Variants in DCUN1D5 observed in about 807,000 individuals in gnomAD.
DCUN1D5 encodes the protein defective in cullin neddylation 1 domain containing 5.
A neutral mutation model predicts 38.3 loss-of-function variants in DCUN1D5; 10 were observed. That is an observed-to-expected ratio of 0.26 (90% CI 0.16 to 0.44). The LOEUF is 0.44. Ranked by LOEUF, DCUN1D5 falls within the 20% of genes least tolerant of loss-of-function variation. The pLI is 1.00. For missense variants in DCUN1D5, 148 were observed against 275.3 expected (o/e 0.54, Z 3.27); for synonymous variants, 93 against 90.9 (o/e 1.02, Z -0.13).
intron 4 of DCUN1D5, among the ~76,000 whole-genome samples, chr11:103,070,770 C>T (rs1591210969): frequency 1.3e-5 from 2 of 152,136 alleles, no homozygotes; most frequent in Admixed American, 6.5e-5. Flanking sequence ...ACAGAATACA[C>T]ATTCTTTTCA....
In DCUN1D5 at chr11:103,052,241, G is replaced by A. The variant is rs2134583722; in HGVS notation, c.*10118C>T. 1 of 152,258 alleles carries A rather than the reference G, an allele frequency of 6.6e-6. No homozygotes were observed. The highest frequency in any genetic ancestry group is 1.9e-4 in the East Asian group (1 of 5,188). 9.4% of individuals were successfully genotyped at this position (152,258 alleles called of 1,614,324 possible). A position where few individuals can be genotyped will look rare whatever the true frequency, so the allele number is the denominator to read the frequency against. On this transcript the variant is annotated 3_prime_UTR_variant, in exon 8 of 8. Coordinates refer to ENST00000260247, the MANE Select transcript of DCUN1D5 (RefSeq NM_032299.4). ...GCCCTCAAGAATCTCAGTCTAATGG[G>A]AATGTGGATATGTAAACGTTTTACA...
Position 103,091,459 on chromosome 11 carries a change from A to C in DCUN1D5, c.86+328T>G. On this transcript the variant is annotated intron_variant, in intron 1 of 7. Coordinates refer to ENST00000260247, the MANE Select transcript of DCUN1D5 (RefSeq NM_032299.4). The surrounding 1 kb of genome is among the most constrained non-coding windows in gnomAD (Gnocchi z 4.3). Reference sequence around the variant, plus strand: ...AAAGGCAGAGGAGCGATACGGGAGTAGGGGATCGAGGGTCGGTTGTGGGGT... The same window carrying C: ...AAAGGCAGAGGAGCGATACGGGAGTCGGGGATCGAGGGTCGGTTGTGGGGT... 9.3e-6 allele frequency: 2 copies of C among 214,016 alleles called. No individual in the cohort carries two copies. The highest frequency in any genetic ancestry group is 1.7e-5 in the Non-Finnish European group (2 of 121,148). The allele number at this position is 214,016 out of a possible 1,614,324, so 13.3% of individuals were successfully genotyped here. A position where few individuals can be genotyped will look rare whatever the true frequency, so the allele number is the denominator to read the frequency against.
Position 103,091,490 on chromosome 11 carries a change from TG to T in DCUN1D5, c.86+296del. Reference sequence around the variant, plus strand: ...TCGAGGGTCGGTTGTGGGGTGGGGGTGGGGGTGGGGGGAAGCGCAATTTACA... The same window carrying T: ...TCGAGGGTCGGTTGTGGGGTGGGGGTGGGGTGGGGGGAAGCGCAATTTACA... On this transcript the variant is annotated intron_variant, in intron 1 of 7. Coordinates refer to ENST00000260247, the MANE Select transcript of DCUN1D5 (RefSeq NM_032299.4). This position sits in a 1 kb window ranked among gnomAD's most constrained non-coding sequence, Gnocchi z 4.3. 4.6e-6 allele frequency: 1 copy of T among 219,066 alleles called. No individual in the cohort carries two copies. The highest frequency in any genetic ancestry group is 7.9e-6 in the Non-Finnish European group (1 of 126,648). 13.6% of individuals were successfully genotyped at this position (219,066 alleles called of 1,614,324 possible).
At position 103,091,945 on chromosome 11, in the gene DCUN1D5, G is replaced by T; in HGVS notation, c.-73C>A. ...CCCTGTCCGCTGGAAGCCCCTCAGC[G>T]CTGGCACCCAGTTCCCAGAGACAGC... On this transcript the variant is annotated 5_prime_UTR_variant, in exon 1 of 8. Coordinates refer to ENST00000260247, the MANE Select transcript of DCUN1D5 (RefSeq NM_032299.4). This position sits in a 1 kb window ranked among gnomAD's most constrained non-coding sequence, Gnocchi z 4.3. 7.1e-7 allele frequency: 1 copy of T among 1,409,554 alleles called. No individual in the cohort carries two copies. The allele number at this position is 1,409,554 out of a possible 1,614,324, so 87.3% of individuals were successfully genotyped here. A position where few individuals can be genotyped will look rare whatever the true frequency, so the allele number is the denominator to read the frequency against.
At chr11:103,085,482 G>A (rs1862681428) in intron 2 of DCUN1D5, among the ~76,000 whole-genome samples, 1 of 152,020 alleles carries the variant, frequency 6.6e-6, no homozygotes, top group South Asian at 2.1e-4. Context: ...AGCCCCCCTA[G>A]AAACTGGAGG....
Position 103,057,272 on chromosome 11 carries a change from C to A in DCUN1D5, c.*5087G>T, listed in dbSNP as rs1350137933. On this transcript the variant is annotated 3_prime_UTR_variant, in exon 8 of 8. Transcript: ENST00000260247. The surrounding 1 kb of genome is among the most constrained non-coding windows in gnomAD (Gnocchi z 4.8). ...CTAAGTTTGATAAGTTAGTTTAAGT[C>A]TCAAATGACAAGTTGCTCAAATAAA... Among the ~76,000 whole-genome samples the A allele has an allele frequency of 6.6e-6, 1 of 152,188 alleles. No homozygotes were observed. The highest frequency in any genetic ancestry group is 2.4e-5 in the African/African-American group (1 of 41,446).
chr11:103,088,987 TTTA>T (rs568949985), intron 2 of DCUN1D5, among the ~76,000 whole-genome samples: 315 of 152,282 alleles, frequency 2.1e-3, no homozygotes, highest in Non-Finnish European at 3.1e-3. Context: ...GTTTACACGT[TTTA>T]TTAATAGTAA....
chr11:103,058,017 T>A lies in DCUN1D5; in HGVS notation c.*4342A>T, dbSNP rs564459833. Reference sequence around the variant, plus strand: ...TTTTAATAAAACGTTTGCTATTAACTCCCATTTATGGACCATAGAGCCAAA... The same window carrying A: ...TTTTAATAAAACGTTTGCTATTAACACCCATTTATGGACCATAGAGCCAAA... On this transcript the variant is annotated 3_prime_UTR_variant, in exon 8 of 8. Coordinates refer to ENST00000260247, the MANE Select transcript of DCUN1D5 (RefSeq NM_032299.4). 1.3e-5 allele frequency among the ~76,000 whole-genome samples: 2 copies of A among 152,238 alleles called. No homozygotes were observed. The highest frequency in any genetic ancestry group is 4.1e-4 in the South Asian group (2 of 4,830).
At position 103,054,560 on chromosome 11, in the gene DCUN1D5, A is replaced by G. The variant is rs1861826276; in HGVS notation, c.*7799T>C. The G allele has an allele frequency of 6.6e-6, 1 of 152,106 alleles. No individual in the cohort carries two copies. Among genetic ancestry groups the G allele is most frequent in the South Asian group, 2.1e-4 (1 of 4,824 alleles). The allele number at this position is 152,106 out of a possible 1,614,324, so 9.4% of individuals were successfully genotyped here. On this transcript the variant is annotated 3_prime_UTR_variant, in exon 8 of 8. Coordinates refer to ENST00000260247, the MANE Select transcript of DCUN1D5 (RefSeq NM_032299.4). ...TTAAGTGCTGTAAGATGCTACAACA[A>G]AGCTTATTTAGGCAGGGACTATATT...
At chr11:103,080,623 G>A (rs1475368875) in intron 4 of DCUN1D5, among the ~76,000 whole-genome samples, 1 of 152,190 alleles carries the variant, frequency 6.6e-6, no homozygotes, top group Non-Finnish European at 1.5e-5. Flanking sequence ...ATAAATCAGT[G>A]AAAGAGAAAC....
chr11:103,064,164 A>C lies in DCUN1D5; in HGVS notation c.658+111T>G, dbSNP rs1291493698. 1 of 708,766 alleles carries C rather than the reference A, an allele frequency of 1.4e-6. No homozygotes were observed. Among genetic ancestry groups the C allele is most frequent in the African/African-American group, 1.9e-5 (1 of 53,760 alleles). The allele number at this position is 708,766 out of a possible 1,614,324, so 43.9% of individuals were successfully genotyped here. A position where few individuals can be genotyped will look rare whatever the true frequency, so the allele number is the denominator to read the frequency against. ...CCACAATCCCTCACACAATTAAATA[A>C]GTTACTATTACAAAGTTTAAAACCT... On this transcript the variant is annotated intron_variant, in intron 7 of 7. Coordinates refer to ENST00000260247, the MANE Select transcript of DCUN1D5 (RefSeq NM_032299.4). This position sits in a 1 kb window ranked among gnomAD's most constrained non-coding sequence, Gnocchi z 4.5.
At chr11:103,076,125 G>T (rs1006697504) in intron 4 of DCUN1D5, among the ~76,000 whole-genome samples, 13 of 152,128 alleles carry the variant, frequency 8.5e-5, no homozygotes, top group African/African-American at 2.9e-4. Flanking sequence ...GAAGATAAAG[G>T]ATGCCTCCTG....
intron 4 of DCUN1D5, among the ~76,000 whole-genome samples, chr11:103,082,246 C>T (rs561073153): frequency 1.8e-4 from 28 of 152,116 alleles, no homozygotes; most frequent in Admixed American, 9.8e-4. Flanking sequence ...TGCACGGGAG[C>T]AGTTACAACA....
intron 4 of DCUN1D5, among the ~76,000 whole-genome samples, chr11:103,081,543 G>T (rs910759956): frequency 6.6e-6 from 1 of 152,148 alleles, no homozygotes; most frequent in Middle Eastern, 3.2e-3. Flanking sequence ...TATAAGGAAT[G>T]TTGATTTATA....
intron 4 of DCUN1D5, among the ~76,000 whole-genome samples, chr11:103,075,498 C>A (rs555570123): frequency 6.6e-6 from 1 of 152,244 alleles, no homozygotes; most frequent in South Asian, 2.1e-4. Flanking sequence ...TCTTCTGCCT[C>A]ACCCTCCCGA....
chr11:103,088,440 TTTTGCATATATTTGCTTAAC>T (rs1346858954), intron 2 of DCUN1D5, among the ~76,000 whole-genome samples: 1 of 152,240 alleles, frequency 6.6e-6, no homozygotes, highest in Non-Finnish European at 1.5e-5. Context: ...ATAAGTGTTC[TTTTGCATATATTTGCTTAAC>T]TCTTCAGCCC....
chr11:103,053,479 C>G lies in DCUN1D5; in HGVS notation c.*8880G>C, dbSNP rs1408220603. ...ATTAACACTAAACTATTGTACATTT[C>G]AAAATAGCTAAAGAGAATTCGAATG... On this transcript the variant is annotated 3_prime_UTR_variant, in exon 8 of 8. Coordinates refer to ENST00000260247, the MANE Select transcript of DCUN1D5 (RefSeq NM_032299.4). This position sits in a 1 kb window ranked among gnomAD's most constrained non-coding sequence, Gnocchi z 4.8. 6.6e-6 allele frequency: 1 copy of G among 151,940 alleles called. No homozygotes were observed. The highest frequency in any genetic ancestry group is 1.9e-4 in the East Asian group (1 of 5,190). 9.4% of individuals were successfully genotyped at this position (151,940 alleles called of 1,614,324 possible). A position where few individuals can be genotyped will look rare whatever the true frequency, so the allele number is the denominator to read the frequency against.
chr11:103,091,507 G>A lies in DCUN1D5; in HGVS notation c.86+280C>T. 1 of 411,034 alleles carries A rather than the reference G, an allele frequency of 2.4e-6. No individual in the cohort carries two copies. The allele number at this position is 411,034 out of a possible 1,614,324, so 25.5% of individuals were successfully genotyped here. On this transcript the variant is annotated intron_variant, in intron 1 of 7. Transcript: ENST00000260247. This position sits in a 1 kb window ranked among gnomAD's most constrained non-coding sequence, Gnocchi z 4.3. ...GGTGGGGGTGGGGGTGGGGGGAAGC[G>A]CAATTTACATATGCATCTGTTCCCC...
intron 4 of DCUN1D5, among the ~76,000 whole-genome samples, chr11:103,070,500 G>A (rs1345706083): frequency 6.6e-6 from 1 of 152,088 alleles, no homozygotes; most frequent in Admixed American, 6.6e-5. Flanking sequence ...CAATCCATCA[G>A]AAAGACATAG....
Sources: allele counts gnomAD v4.1 joint callset (sites outside exome capture counted in the v4.1 genomes callset), GRCh38; gene constraint gnomAD v4.1.1; non-coding constraint Gnocchi (gnomAD v3.1); transcripts MANE v1.5; gene names NCBI Gene and HGNC (gene_info 2026-07-23, HGNC 2026-07-21).